GPM6A: variants seen among roughly 807,000 people sequenced by gnomAD.
GPM6A encodes the protein glycoprotein M6A.
In GPM6A, 7 loss-of-function variants were observed where a neutral mutation model predicts 32.1. The ratio of observed to expected loss-of-function variants is 0.22; its 90% CI spans 0.12 to 0.41. The LOEUF (loss-of-function observed/expected upper bound fraction) is 0.41. Ranked by LOEUF, GPM6A falls within the 10% of genes least tolerant of loss-of-function variation. The pLI, the probability that GPM6A is intolerant of heterozygous loss-of-function variation, is 1.00. For missense variants in GPM6A, 235 were observed against 347.2 expected (o/e 0.68, Z 2.57); for synonymous variants, 130 against 123.4 (o/e 1.05, Z -0.35).
chr4:175,949,514 A>G (rs929414030), intron 1 of GPM6A, among the ~76,000 whole-genome samples: 24 of 152,172 alleles, frequency 1.6e-4, no homozygotes, highest in Middle Eastern at 3.2e-3. Context: ...ATCATCATTA[A>G]CTGTGTTTGG....
intron 1 of GPM6A, among the ~76,000 whole-genome samples, chr4:175,917,372 A>G (rs1234121831): frequency 1.3e-5 from 2 of 152,172 alleles, no homozygotes; most frequent in Non-Finnish European, 2.9e-5. Flanking sequence ...CCTGCATTGA[A>G]GGACCCTGCT....
intron 4 of GPM6A, among the ~76,000 whole-genome samples, chr4:175,645,458 C>T (rs1275357368): frequency 6.6e-6 from 1 of 152,042 alleles, no homozygotes; most frequent in Non-Finnish European, 1.5e-5. Context: ...GGGTGGCTCA[C>T]GCCTGTAATC....
chr4:175,640,147 C>T lies in GPM6A; in HGVS notation c.666G>A (p.Gly222=), dbSNP rs1240819970. Residue 222 remains glycine, a synonymous_variant, in exon 6 of 7, where the codon GGG becomes GGA. Coordinates refer to ENST00000393658, the MANE Select transcript of GPM6A (RefSeq NM_201591.3). ...GTCTTACCATAGCAATGACTGCTGC[C>T]CCAGCTCCAGCAAGTGCCACAATAA... The part of the protein sequence containing the change: ...HLFIVALAGA[G]AAVIAMVHYL... The T allele has an allele frequency of 6.2e-7, 1 of 1,613,318 alleles. No individual in the cohort carries two copies. The highest frequency in any genetic ancestry group is 2.2e-5 in the East Asian group (1 of 44,856).
intron 1 of GPM6A, among the ~76,000 whole-genome samples, chr4:175,854,750 G>A (rs1258764708): frequency 6.6e-6 from 1 of 152,194 alleles, no homozygotes; most frequent in African/African-American, 2.4e-5. Context: ...GAGTAGCCGA[G>A]GGAATAGAGC....
intron 1 of GPM6A, among the ~76,000 whole-genome samples, chr4:175,950,980 T>C (rs532679402): frequency 1.3e-5 from 2 of 152,304 alleles, no homozygotes; most frequent in South Asian, 4.1e-4. Flanking sequence ...GTAAGACTTT[T>C]TTTTTTCTCC....
intron 1 of GPM6A, among the ~76,000 whole-genome samples, chr4:175,909,042 C>CGGA (rs1554000481): frequency 3.5e-5 from 2 of 56,666 alleles, no homozygotes; most frequent in African/African-American, 1.4e-4. Context: ...AAAAAAAGGG[C>CGGA]GGGGGGGGGG....
chr4:175,957,527 C>T (rs973335790), intron 1 of GPM6A, among the ~76,000 whole-genome samples: 3 of 145,832 alleles, frequency 2.1e-5, no homozygotes, highest in African/African-American at 7.6e-5. Context: ...AACACATGGA[C>T]ACAGGGAGGG....
At chr4:175,743,536 G>A (rs996903802) in intron 1 of GPM6A, among the ~76,000 whole-genome samples, 5 of 151,968 alleles carry the variant, frequency 3.3e-5, no homozygotes, top group South Asian at 2.1e-4. Flanking sequence ...CATGGACCTC[G>A]ATTATTATTA....
At chr4:175,842,915 A>G (rs1377605755) in intron 1 of GPM6A, among the ~76,000 whole-genome samples, 1 of 151,796 alleles carries the variant, frequency 6.6e-6, no homozygotes, top group Non-Finnish European at 1.5e-5. Context: ...TTGCTTACCT[A>G]ATTATAAAAA....
chr4:175,688,710 T>G (rs2111029879), intron 2 of GPM6A, among the ~76,000 whole-genome samples: 1 of 152,374 alleles, frequency 6.6e-6, no homozygotes, highest in Non-Finnish European at 1.5e-5. Context: ...CTAATTACCC[T>G]GATTAGATCA....
chr4:175,684,915 G>A (rs1743892291), intron 2 of GPM6A, among the ~76,000 whole-genome samples: 1 of 151,964 alleles, frequency 6.6e-6, no homozygotes. Flanking sequence ...TTGAGACGGA[G>A]TCTCGCTCTG....
At chr4:175,861,511 A>G (rs1359664812) in intron 1 of GPM6A, among the ~76,000 whole-genome samples, 1 of 151,650 alleles carries the variant, frequency 6.6e-6, no homozygotes, top group Non-Finnish European at 1.5e-5. Context: ...AAGCAATTTC[A>G]GAAGCCGAGG....
chr4:175,861,194 T>C (rs1313649546), intron 1 of GPM6A, among the ~76,000 whole-genome samples: 1 of 151,906 alleles, frequency 6.6e-6, no homozygotes, highest in African/African-American at 2.4e-5. Context: ...AATACAATAT[T>C]GGAGCTTGTA....
chr4:175,828,402 C>A (rs1014234651), intron 1 of GPM6A, among the ~76,000 whole-genome samples: 2 of 152,136 alleles, frequency 1.3e-5, no homozygotes, highest in African/African-American at 4.8e-5. Flanking sequence ...TCCATGGCCT[C>A]ATTTTTAAAT....
At position 175,670,939 on chromosome 4, in the gene GPM6A, C is replaced by T. The variant is rs1435410200; in HGVS notation, c.387+2741G>A. ...AGTGCAGTGGCACGATCTGGGCTCA[C>T]TGCAACCTCTGCCTCCTGGGTTCAA... On this transcript the variant is annotated intron_variant, in intron 3 of 6. Coordinates refer to ENST00000393658, the MANE Select transcript of GPM6A (RefSeq NM_201591.3). 3.4e-5 allele frequency among the ~76,000 whole-genome samples: 5 copies of T among 149,110 alleles called. No individual in the cohort carries two copies. The South Asian group carries it at 6.4e-4, about 19-fold the overall frequency.
At chr4:175,944,097 G>C (rs1739511279) in intron 1 of GPM6A, among the ~76,000 whole-genome samples, 1 of 152,074 alleles carries the variant, frequency 6.6e-6, no homozygotes, top group African/African-American at 2.4e-5. Context: ...CTTCTTCCTG[G>C]TTTAGTCTTG....
chr4:175,820,984 A>T (rs1455678902), intron 1 of GPM6A, among the ~76,000 whole-genome samples: 1 of 152,108 alleles, frequency 6.6e-6, no homozygotes, highest in East Asian at 1.9e-4. Flanking sequence ...TACATTTAAA[A>T]TTTTCCCTAC....
At chr4:175,781,465 T>G (rs562631222) in intron 1 of GPM6A, among the ~76,000 whole-genome samples, 3,070 of 152,288 alleles carry the variant, frequency 0.02, 55 homozygotes, top group Non-Finnish European at 0.031. Flanking sequence ...CATGTCAAGC[T>G]TCCTAAAACC....
intron 6 of GPM6A, among the ~76,000 whole-genome samples, chr4:175,636,777 C>G (rs1740642243): frequency 6.7e-6 from 1 of 148,612 alleles, no homozygotes; most frequent in African/African-American, 2.5e-5. Context: ...GCCTGGGCAA[C>G]AGAGTAGACT....
Sources: allele counts gnomAD v4.1 joint callset (sites outside exome capture counted in the v4.1 genomes callset), GRCh38; gene constraint gnomAD v4.1.1; transcripts MANE v1.5; gene names NCBI Gene and HGNC (gene_info 2026-07-23, HGNC 2026-07-21).